UBOX5: variants seen among roughly 807,000 people sequenced by gnomAD.
UBOX5 encodes the protein RING finger protein 37.
A neutral mutation model predicts 39.0 loss-of-function variants in UBOX5; 28 were observed. The ratio of observed to expected loss-of-function variants is 0.72; its 90% CI spans 0.53 to 0.98. UBOX5 has a LOEUF of 0.98. Among genes scored for constraint, UBOX5 ranks in the 50% least tolerant of loss-of-function variants. The probability of loss-of-function intolerance (pLI) is 0.00; values close to 1 mark genes in which losing one functional copy is unlikely to be tolerated. For missense variants in UBOX5, 585 were observed against 674.4 expected (o/e 0.87, Z 1.47); for synonymous variants, 283 against 275.5 (o/e 1.03, Z -0.27).
chr20:3,151,697 T>C (rs1384251475), intron 1 of UBOX5: 1 of 151,794 alleles, frequency 6.6e-6, no homozygotes, highest in Non-Finnish European at 1.5e-5. Flanking sequence ...AGAAAAATAG[T>C]ACTAAAATAA....
intron 4 of UBOX5, 136 bp downstream of exon 4, chr20:3,115,169 C>T: frequency 8.8e-7 from 1 of 1,137,350 alleles, no homozygotes; most frequent in Non-Finnish European, 1.2e-6. Flanking sequence ...GGTTCTCTCC[C>T]AGGGTGGGTG....
chr20:3,154,506 A>AC (rs990569064), intron 1 of UBOX5, among the ~76,000 whole-genome samples: 3 of 151,906 alleles, frequency 2.0e-5, no homozygotes, highest in African/African-American at 7.3e-5. Flanking sequence ...ATGTAGTGAG[A>AC]CCCCCACCTC....
At position 3,110,472 on chromosome 20, in the gene UBOX5, G is replaced by A. The variant is rs552119474; in HGVS notation, c.1418-158C>T. The A allele has an allele frequency of 1.4e-5, 11 of 779,678 alleles. No individual in the cohort carries two copies. In the African/African-American group the frequency reaches 1.9e-4, roughly 14 times the overall value. 48.3% of individuals were successfully genotyped at this position (779,678 alleles called of 1,614,324 possible). A position where few individuals can be genotyped will look rare whatever the true frequency, so the allele number is the denominator to read the frequency against. ...TGATCAGGTAGGGGAGTGGAAGCGG[G>A]AGAGGGAGCCTGGGAACCCGGGAGG... On this transcript the variant is annotated intron_variant, in intron 4 of 4. Transcript: ENST00000217173.
rs536016696 is a variant in UBOX5, at chr20:3,148,241, G to C, written c.-42+11525C>G. On this transcript the variant is annotated intron_variant, in intron 1 of 4. Transcript: ENST00000217173. The stretch of plus-strand genomic sequence containing the variant: ...AATTAAGTGAACTAGCTGAGACAAG[G>C]ATAGATCCTTCCAGTGCAAATTAAG... 4.3e-6 allele frequency: 7 copies of C among 1,613,832 alleles called. No homozygotes were observed. In the Admixed American group the frequency reaches 1.2e-4, roughly 27 times the overall value.
Position 3,109,025 on chromosome 20 carries a change from G to A in UBOX5, c.*1081C>T, listed in dbSNP as rs2066232626. On this transcript the variant is annotated 3_prime_UTR_variant, in exon 5 of 5. Transcript: ENST00000217173. ...AGAGCTCTGGACGGCCTAAAGGAAAGGAATGTGCCGGTTCACAGGGACCCG... is the reference window on the plus strand; with the variant it reads ...AGAGCTCTGGACGGCCTAAAGGAAAAGAATGTGCCGGTTCACAGGGACCCG... The A allele has an allele frequency of 6.6e-6, 1 of 151,542 alleles. No individual in the cohort carries two copies. The allele number at this position is 151,542 out of a possible 1,614,324, so 9.4% of individuals were successfully genotyped here.
At position 3,141,446 on chromosome 20, in the gene UBOX5, T is replaced by C. The variant is rs192613199; in HGVS notation, c.-41-18040A>G. On this transcript the variant is annotated intron_variant, in intron 1 of 4. Coordinates refer to ENST00000217173, the MANE Select transcript of UBOX5 (RefSeq NM_014948.4). ...GTGGATTACCTGAGGTCAGGAGTTT[T>C]TGATACCAGCCTGACCAACATGGAG... Among the ~76,000 whole-genome samples, 206 of 151,656 alleles carry C rather than the reference T, an allele frequency of 1.4e-3. 1 individual carries two copies. Among genetic ancestry groups the C allele is most frequent in the African/African-American group, 4.8e-3 (198 of 41,380 alleles).
intron 1 of UBOX5, among the ~76,000 whole-genome samples, chr20:3,157,582 A>T (rs1214904534): frequency 6.6e-6 from 1 of 152,234 alleles, no homozygotes; most frequent in African/African-American, 2.4e-5. Context: ...TGATTCTGTT[A>T]GAGCTACTGC....
At chr20:3,137,629 T>C (rs904389058) in intron 1 of UBOX5, among the ~76,000 whole-genome samples, 1 of 152,210 alleles carries the variant, frequency 6.6e-6, no homozygotes, top group Non-Finnish European at 1.5e-5. Context: ...TGGTAATGAT[T>C]CACCGATTTT....
intron 4 of UBOX5, among the ~76,000 whole-genome samples, chr20:3,113,529 G>T (rs6139011): frequency 0.15 from 22,685 of 151,862 alleles, 2,876 homozygotes; most frequent in East Asian, 0.41. Flanking sequence ...AGGCGAGGAT[G>T]GGGGGATACC....
chr20:3,148,047 C>T, intron 1 of UBOX5: 2 of 1,614,166 alleles, frequency 1.2e-6, no homozygotes, highest in Non-Finnish European at 1.7e-6. Flanking sequence ...CAAGCCAAGT[C>T]TCCAATTTTC....
At chr20:3,158,711 T>G (rs2066715626) in intron 1 of UBOX5, among the ~76,000 whole-genome samples, 1 of 152,158 alleles carries the variant, frequency 6.6e-6, no homozygotes, top group Non-Finnish European at 1.5e-5. Context: ...CCTGACCTCG[T>G]GATCCGCCCG....
intron 1 of UBOX5, among the ~76,000 whole-genome samples, chr20:3,152,407 C>A (rs1205028605): frequency 2.6e-5 from 4 of 151,836 alleles, no homozygotes; most frequent in Admixed American, 2.6e-4. Flanking sequence ...GAGGCTGAGG[C>A]GGGAGAATCA....
chr20:3,125,296 C>A (rs1179426878), intron 1 of UBOX5, among the ~76,000 whole-genome samples: 1 of 140,692 alleles, frequency 7.1e-6, no homozygotes. Context: ...CGCCTCTGCC[C>A]AGCCGCCCAT....
intron 1 of UBOX5, among the ~76,000 whole-genome samples, chr20:3,134,109 T>C (rs1310705297): frequency 2.6e-5 from 4 of 151,670 alleles, no homozygotes; most frequent in Non-Finnish European, 5.9e-5. Context: ...TAGGTATGCA[T>C]ATATATATAT....
At chr20:3,111,411 A>C (rs981159470) in intron 4 of UBOX5, among the ~76,000 whole-genome samples, 3 of 152,118 alleles carry the variant, frequency 2.0e-5, no homozygotes, top group Admixed American at 2.0e-4. Flanking sequence ...CTGTCCTCAA[A>C]GCTGCCTCCA....
In UBOX5 at chr20:3,121,400, A is replaced by G. The variant is rs2148594058; in HGVS notation, c.1239T>C (p.His413=). Residue 413 remains histidine (H), a synonymous_variant, in exon 3 of 5, where the codon CAT becomes CAC. Transcript: ENST00000217173. ...CTGAATTACCTGTCGAGCAGTCCAT[A>G]TGTGTCAGGCTGGGCTCATTGGTGG... ...MKATNEPSLT[H]MDCSTGPLSH... 6.2e-7 allele frequency: 1 copy of G among 1,612,660 alleles called. No individual in the cohort carries two copies.
chr20:3,155,476 A>G (rs534015385), intron 1 of UBOX5, among the ~76,000 whole-genome samples: 4 of 152,278 alleles, frequency 2.6e-5, no homozygotes, highest in Admixed American at 1.3e-4. Context: ...GGTTGTGGTG[A>G]GGCGAGGTCG....
At chr20:3,136,473 C>A (rs1362712908) in intron 1 of UBOX5, among the ~76,000 whole-genome samples, 3 of 151,780 alleles carry the variant, frequency 2.0e-5, no homozygotes, top group Non-Finnish European at 4.4e-5. Flanking sequence ...CCCACCTCAG[C>A]CTCCCGAGTA....
chr20:3,140,916 A>ATTTTTTTT (rs11365728), intron 1 of UBOX5, among the ~76,000 whole-genome samples: 2 of 111,994 alleles, frequency 1.8e-5, no homozygotes, highest in Non-Finnish European at 3.7e-5. Flanking sequence ...GGGTTGCCAG[A>ATTTTTTTT]TTTTTTTTTT....
Sources: allele counts gnomAD v4.1 joint callset (sites outside exome capture counted in the v4.1 genomes callset), GRCh38; gene constraint gnomAD v4.1.1; transcripts MANE v1.5; gene names NCBI Gene and HGNC (gene_info 2026-07-23, HGNC 2026-07-21).